Variants in B9D1 observed in about 807,000 individuals in gnomAD.
B9D1 encodes B9 domain containing 1.
In B9D1, 20 loss-of-function variants were observed where a neutral mutation model predicts 26.1. The ratio of observed to expected loss-of-function variants is 0.77; its 90% confidence interval spans 0.54 to 1.12. B9D1 has a LOEUF of 1.12. Among genes scored for constraint, B9D1 ranks in the 50% most tolerant of loss-of-function variants. The pLI is 0.00. For missense variants in B9D1, 260 were observed against 273.7 expected (o/e 0.95, Z 0.35); for synonymous variants, 105 against 103.1 (o/e 1.02, Z -0.11).
At chr17:19,376,911 T>C (rs557589021) in intron 1 of B9D1, among the ~76,000 whole-genome samples, 19 of 152,314 alleles carry the variant, frequency 1.2e-4, no homozygotes, top group African/African-American at 4.6e-4. Context: ...ATAATAACTC[T>C]TGTAACCAAC....
Position 19,359,584 on chromosome 17 carries a change from T to G in B9D1, c.132+736A>C, listed in dbSNP as rs1290890805. On this transcript the variant is annotated intron_variant, in intron 2 of 6. Coordinates refer to ENST00000261499, the MANE Select transcript of B9D1 (RefSeq NM_015681.6). This position sits in a 1 kb window ranked among gnomAD's most constrained non-coding sequence, Gnocchi z 5.0. ...TGTCACTTCCTGGCTTGGTCTCCCC[T>G]CACACTTCTGGCTTACTAACATCCT... Among the ~76,000 whole-genome samples, 5 of 152,162 alleles carry G rather than the reference T, an allele frequency of 3.3e-5. No individual in the cohort carries two copies. Among genetic ancestry groups the G allele is most frequent in the Non-Finnish European group, 7.3e-5 (5 of 68,032 alleles).
Position 19,343,462 on chromosome 17 carries a change from C to G in B9D1, c.473-1G>C. Reference sequence around the variant, plus strand: ...AAGCCCTGAGAACGGACACGGGTCACTGGGGACAGAAGGGCAGCATCAGCC... The same window carrying G: ...AAGCCCTGAGAACGGACACGGGTCAGTGGGGACAGAAGGGCAGCATCAGCC... On this transcript the variant is annotated splice_acceptor_variant, in intron 6 of 6. Transcript: ENST00000261499. LOFTEE classifies it high-confidence loss of function. 6.2e-7 allele frequency: 1 copy of G among 1,614,128 alleles called. No homozygotes were observed. The highest frequency in any genetic ancestry group is 8.5e-7 in the Non-Finnish European group (1 of 1,180,012).
rs147684440 is a variant in B9D1 at position 19,343,366 on chromosome 17, T to A, written c.568A>T (p.Thr190Ser). The part of the protein sequence containing the change: ...KLGYDTGPSD[T>S]QGVLGPSPPQ... Reference sequence around the variant, plus strand: ...GGGCTGGGCCCCAACACACCCTGTGTATCAGAAGGCCCAGTGTCATAGCCC... The same window carrying A: ...GGGCTGGGCCCCAACACACCCTGTGAATCAGAAGGCCCAGTGTCATAGCCC... Residue 190 changes from threonine to serine, a missense_variant, in exon 7 of 7, where the codon ACA (threonine) becomes TCA (serine). Physicochemically the swap from Thr to Ser is moderately conservative, Grantham distance 58. Transcript: ENST00000261499. 6.8e-4 allele frequency: 1,092 copies of A among 1,614,006 alleles called. 4 individuals are homozygous for A. The highest frequency in any genetic ancestry group is 6.0e-4 in the Non-Finnish European group (712 of 1,180,010).
rs1567889104 is a variant in B9D1, at chr17:19,347,878, G to GC, written c.246dup (p.Pro83AlafsTer47). 6.2e-7 allele frequency: 1 copy of GC among 1,614,032 alleles called. No homozygotes were observed. Among genetic ancestry groups the GC allele is most frequent in the East Asian group, 2.2e-5 (1 of 44,874 alleles). On this transcript the variant is annotated frameshift_variant and splice_region_variant, in exon 4 of 7. Coordinates refer to ENST00000261499, the MANE Select transcript of B9D1 (RefSeq NM_015681.6). LOFTEE classifies it high-confidence loss of function. This position sits in a 1 kb window ranked among gnomAD's most constrained non-coding sequence, Gnocchi z 4.3. ...CCATACACGCTGAGCACGATCTGTG[G>GC]CCCTTGGGAAGGACAAGGCAGGGGG...
chr17:19,377,431 A>G (rs1340079158), intron 1 of B9D1, among the ~76,000 whole-genome samples: 1 of 152,252 alleles, frequency 6.6e-6, no homozygotes, highest in Non-Finnish European at 1.5e-5. Context: ...ATATGGAATG[A>G]TCTTCAGGAA....
chr17:19,346,506 C>T (rs560026539), intron 5 of B9D1, among the ~76,000 whole-genome samples: 118 of 152,326 alleles, frequency 7.7e-4, no homozygotes, highest in African/African-American at 2.6e-3. Flanking sequence ...TGCCGGTGGG[C>T]GGCAGAGGCT....
At chr17:19,352,445 A>G (rs1207381784) in intron 3 of B9D1, among the ~76,000 whole-genome samples, 3 of 150,982 alleles carry the variant, frequency 2.0e-5, no homozygotes, top group Non-Finnish European at 2.9e-5. Flanking sequence ...CCCAGGATCA[A>G]GTGATTCTCC....
At chr17:19,335,580 C>A, downstream of B9D1, 2 of 1,116,016 alleles carry the variant, frequency 1.8e-6, no homozygotes, top group South Asian at 3.6e-5. Flanking sequence ...CTTCTGTGCC[C>A]ACGGGTCCCT....
chr17:19,368,899 C>T (rs957833024), intron 1 of B9D1, among the ~76,000 whole-genome samples: 5 of 152,056 alleles, frequency 3.3e-5, no homozygotes, highest in African/African-American at 4.8e-5. Flanking sequence ...GAGCTGATGG[C>T]GCCACAGCAA....
In B9D1 at chr17:19,343,705, G is replaced by A. The variant is rs780873988; in HGVS notation, c.472+85C>T. On this transcript the variant is annotated intron_variant, in intron 6 of 6. Transcript: ENST00000261499. ...GCTCCTATGTGCCTGGCAGGTCCCCGGCATTCACCCCAACCCTGGGCCCAC... is the reference window on the plus strand; with the variant it reads ...GCTCCTATGTGCCTGGCAGGTCCCCAGCATTCACCCCAACCCTGGGCCCAC... 72 of 1,612,960 alleles carry A rather than the reference G, an allele frequency of 4.5e-5. No homozygotes were observed. Among genetic ancestry groups the A allele is most frequent in the Middle Eastern group, 1.6e-4 (1 of 6,082 alleles).
At chr17:19,362,473 G>A in intron 1 of B9D1, 34 bp downstream of exon 1, 2 of 1,510,010 alleles carry the variant, frequency 1.3e-6, no homozygotes, top group Non-Finnish European at 1.8e-6. Flanking sequence ...GGGACGCTGG[G>A]GGGCGGGCCC....
rs1911946360 is a variant in B9D1, at chr17:19,372,565, C to A, written c.-298+5294G>T. ...CACTTCCAGGGCCCCTTCCCGACTT[C>A]CTGTGCTGGGCAAAGGGCCCATTCT... On this transcript the variant is annotated intron_variant, in intron 1 of 5. Coordinates refer to the B9D1 transcript ENST00000477478. This position sits in a 1 kb window ranked among gnomAD's most constrained non-coding sequence, Gnocchi z 4.4. 6.6e-6 allele frequency among the ~76,000 whole-genome samples: 1 copy of A among 152,186 alleles called. No individual in the cohort carries two copies. Among genetic ancestry groups the A allele is most frequent in the Non-Finnish European group, 1.5e-5 (1 of 68,032 alleles).
At chr17:19,362,483 C>A in intron 1 of B9D1, 24 bp downstream of exon 1, 1 of 1,532,150 alleles carries the variant, frequency 6.5e-7, no homozygotes, top group Non-Finnish European at 8.8e-7. Flanking sequence ...GGGGCGGGCC[C>A]CGGCGGGGTC....
At chr17:19,365,438 G>A (rs1026012132), upstream of B9D1, among the ~76,000 whole-genome samples, 1 of 152,182 alleles carries the variant, frequency 6.6e-6, no homozygotes, top group East Asian at 1.9e-4. The surrounding 1 kb of genome is among the most constrained non-coding windows in gnomAD (Gnocchi z 5.0). Context: ...AGCAGTTGGC[G>A]CCTGTGAGCA....
chr17:19,341,828 G>C (rs1908000595), downstream of B9D1, among the ~76,000 whole-genome samples: 1 of 152,208 alleles, frequency 6.6e-6, no homozygotes, highest in African/African-American at 2.4e-5. Flanking sequence ...AGTGCATGCA[G>C]ATGACCAAGA....
chr17:19,345,167 C>A (rs1202809062), intron 5 of B9D1, among the ~76,000 whole-genome samples: 1 of 152,102 alleles, frequency 6.6e-6, no homozygotes, highest in African/African-American at 2.4e-5. Flanking sequence ...CAGGCAAGGA[C>A]CTGAGGCAAG....
At chr17:19,341,940 A>G (rs1908015067), downstream of B9D1, among the ~76,000 whole-genome samples, 1 of 152,160 alleles carries the variant, frequency 6.6e-6, no homozygotes, top group African/African-American at 2.4e-5. Flanking sequence ...TGAAGAGCAC[A>G]GGGAAGCGCC....
intron 1 of B9D1, among the ~76,000 whole-genome samples, chr17:19,375,073 T>G (rs1177394597): frequency 6.6e-6 from 1 of 152,078 alleles, no homozygotes; most frequent in East Asian, 1.9e-4. Flanking sequence ...GCCGATCACT[T>G]GAGCTCAGGA....
downstream of B9D1, among the ~76,000 whole-genome samples, chr17:19,339,137 C>G (rs980130865): frequency 2.2e-4 from 34 of 152,190 alleles, no homozygotes; most frequent in Admixed American, 2.2e-3. Context: ...TTTATTATGC[C>G]TTTATTGCTG....
Sources: gnomAD v4.1 joint callset for allele counts (sites outside exome capture counted in the v4.1 genomes callset) on GRCh38, gnomAD v4.1.1 for gene constraint, Gnocchi (gnomAD v3.1) non-coding constraint, MANE v1.5 for transcripts, NCBI Gene and HGNC (gene_info 2026-07-23, HGNC 2026-07-21) for gene names.